KDM4C: variants seen among roughly 807,000 people sequenced by gnomAD.
KDM4C encodes lysine-specific demethylase 4C.
Under a neutral mutation model 129.3 loss-of-function variants are expected in KDM4C, and 81 were observed. The ratio of observed to expected loss-of-function variants is 0.63; its 90% confidence interval spans 0.52 to 0.75. The LOEUF (loss-of-function observed/expected upper bound fraction) is 0.75. KDM4C is among the 30% of genes least tolerant of loss of function. The pLI, the probability that KDM4C is intolerant of heterozygous loss-of-function variation, is 0.00. For synonymous variants in KDM4C, 573 were observed against 456.1 expected, an observed-to-expected ratio of 1.26 and a Z score of -3.26; for missense variants, 1,457 against 1,304.0, an observed-to-expected ratio of 1.12 and a Z score of -1.81.
At chr9:7,156,174 A>C (rs1180230678) in intron 19 of KDM4C, among the ~76,000 whole-genome samples, 2 of 152,192 alleles carry the variant, frequency 1.3e-5, no homozygotes, top group East Asian at 3.8e-4. Context: ...GGGTCTGTTC[A>C]TATCCCTTGC....
intron 2 of KDM4C, among the ~76,000 whole-genome samples, chr9:6,799,028 C>G (rs1241894308): frequency 5.3e-5 from 8 of 151,254 alleles, no homozygotes; most frequent in African/African-American, 1.9e-4. Flanking sequence ...AGAGGCGCTC[C>G]TCACTTCCTA....
At chr9:6,921,357 C>T (rs907348247) in intron 8 of KDM4C, among the ~76,000 whole-genome samples, 1 of 152,190 alleles carries the variant, frequency 6.6e-6, no homozygotes, top group Non-Finnish European at 1.5e-5. Flanking sequence ...GCTTCACAAA[C>T]GTTAACAAGC....
intron 19 of KDM4C, among the ~76,000 whole-genome samples, chr9:7,152,886 A>G (rs974933846): frequency 6.6e-6 from 1 of 152,218 alleles, no homozygotes; most frequent in African/African-American, 2.4e-5. Flanking sequence ...TTGTGCATGT[A>G]TAGGATGTCC....
In KDM4C at chr9:7,086,280, T is replaced by C. The variant is rs72703382; in HGVS notation, c.2425-17405T>C. 2.3e-3 allele frequency among the ~76,000 whole-genome samples: 354 copies of C among 152,356 alleles called. 2 individuals carry two copies. The highest frequency in any genetic ancestry group is 0.013 in the East Asian group (67 of 5,192). ...TTTATAACTCCACTGGCCCTAATTA[T>C]GAATTTCTGAGTTAGGCCAAACAGC... On this transcript the variant is annotated intron_variant, in intron 17 of 21. Transcript: ENST00000381309.
At chr9:6,747,024 A>AAAAAAAG (rs1817904231) in intron 1 of KDM4C, among the ~76,000 whole-genome samples, 1 of 139,340 alleles carries the variant, frequency 7.2e-6, no homozygotes, top group Non-Finnish European at 1.5e-5. Context: ...AAAAAAAAAA[A>AAAAAAAG]AAAAAGAAAA....
At chr9:6,887,501 A>T (rs908779831) in intron 6 of KDM4C, among the ~76,000 whole-genome samples, 1 of 152,174 alleles carries the variant, frequency 6.6e-6, no homozygotes, top group African/African-American at 2.4e-5. Context: ...AGGTGGGGGA[A>T]CTACTCTGTC....
At chr9:6,998,079 C>T (rs570179157) in intron 12 of KDM4C, among the ~76,000 whole-genome samples, 2 of 152,284 alleles carry the variant, frequency 1.3e-5, no homozygotes, top group African/African-American at 2.4e-5. Context: ...AATAACTTTT[C>T]ATCAGTCATC....
intron 6 of KDM4C, among the ~76,000 whole-genome samples, chr9:6,882,612 C>G (rs778834872): frequency 3.9e-5 from 6 of 152,184 alleles, no homozygotes; most frequent in Non-Finnish European, 7.3e-5. Context: ...AAACTTATTT[C>G]AAAGGACAGT....
intron 15 of KDM4C, among the ~76,000 whole-genome samples, chr9:7,034,817 T>C (rs888586822): frequency 1.3e-5 from 2 of 152,236 alleles, no homozygotes; most frequent in African/African-American, 4.8e-5. Context: ...TTCCTTTTTC[T>C]CCACGTCCTT....
chr9:6,768,666 G>A (rs1333073148), intron 1 of KDM4C, among the ~76,000 whole-genome samples: 1 of 152,060 alleles, frequency 6.6e-6, no homozygotes, highest in Non-Finnish European at 1.5e-5. Flanking sequence ...GGTCTTTTAA[G>A]CATCCTTCAA....
intron 1 of KDM4C, among the ~76,000 whole-genome samples, chr9:6,739,635 T>A (rs1588049584): frequency 9.1e-6 from 1 of 110,082 alleles, no homozygotes; most frequent in African/African-American, 3.8e-5. Context: ...CAGGGTAGAT[T>A]TTTTTTTTTT....
At chr9:6,962,614 G>T (rs949283843) in intron 8 of KDM4C, among the ~76,000 whole-genome samples, 1 of 151,928 alleles carries the variant, frequency 6.6e-6, no homozygotes, top group Non-Finnish European at 1.5e-5. Flanking sequence ...CAACATGATA[G>T]ATTCTGTAAA....
At chr9:7,028,167 G>T (rs1481950633) in intron 15 of KDM4C, among the ~76,000 whole-genome samples, 2 of 151,864 alleles carry the variant, frequency 1.3e-5, no homozygotes, top group African/African-American at 4.8e-5. Flanking sequence ...ATCTCTCCTT[G>T]TGGCCACCAT....
intron 5 of KDM4C, among the ~76,000 whole-genome samples, chr9:6,872,755 G>T (rs187244852): frequency 4.0e-4 from 61 of 152,242 alleles, no homozygotes; most frequent in African/African-American, 1.4e-3. Flanking sequence ...TTTTGAGCCT[G>T]TGTGGGTCTT....
At chr9:7,155,879 T>C (rs1843115548) in intron 19 of KDM4C, among the ~76,000 whole-genome samples, 7 of 152,258 alleles carry the variant, frequency 4.6e-5, no homozygotes, top group Admixed American at 4.6e-4. Context: ...TACCCAGTAA[T>C]GGGGTTGCTG....
At chr9:6,757,077 G>A (rs1818348020), upstream of KDM4C, among the ~76,000 whole-genome samples, 1 of 152,164 alleles carries the variant, frequency 6.6e-6, no homozygotes, top group Non-Finnish European at 1.5e-5. Context: ...AACATCTGAT[G>A]CTCAACCATC....
chr9:7,162,842 C>T (rs1479366163), intron 19 of KDM4C, among the ~76,000 whole-genome samples: 3 of 151,960 alleles, frequency 2.0e-5, no homozygotes, highest in African/African-American at 7.3e-5. Context: ...GTTGACTTGC[C>T]TCTGTTGGGA....
chr9:7,081,999 A>T (rs73639816), intron 17 of KDM4C, among the ~76,000 whole-genome samples: 360 of 152,336 alleles, frequency 2.4e-3, no homozygotes, highest in African/African-American at 8.1e-3. Flanking sequence ...TCTAGATATC[A>T]GGTGTTTTCC....
chr9:6,903,131 A>C (rs188969664), intron 8 of KDM4C, among the ~76,000 whole-genome samples: 1 of 152,210 alleles, frequency 6.6e-6, no homozygotes, highest in East Asian at 1.9e-4. Flanking sequence ...AACTGTTTAA[A>C]ATTTTCGTAA....
Sources: gnomAD v4.1 joint callset for allele counts (sites outside exome capture counted in the v4.1 genomes callset) on GRCh38, gnomAD v4.1.1 for gene constraint, MANE v1.5 for transcripts, NCBI Gene and HGNC (gene_info 2026-07-23, HGNC 2026-07-21) for gene names.